THADA: variants seen among roughly 807,000 people sequenced by gnomAD.
THADA encodes the protein tRNA (32-2'-O)-methyltransferase regulator THADA.
A neutral mutation model predicts 219.8 loss-of-function variants in THADA; 213 were observed. That is an observed-to-expected ratio of 0.97 (90% CI 0.87 to 1.09). THADA has a LOEUF of 1.09. Among genes scored for constraint, THADA ranks in the 50% least tolerant of loss-of-function variants. The pLI is 0.00. For missense variants in THADA, 2,956 were observed against 2,311.3 expected (o/e 1.28, Z -5.72); for synonymous variants, 1,018 against 828.9 (o/e 1.23, Z -3.92).
At chr2:43,533,325 G>GT (rs1694135523) in intron 21 of THADA, among the ~76,000 whole-genome samples, 1 of 152,242 alleles carries the variant, frequency 6.6e-6, no homozygotes, top group African/African-American at 2.4e-5. Context: ...GTGGAAGACA[G>GT]TGTGGCGATT....
At chr2:43,374,756 T>C (rs1671186788) in intron 29 of THADA, among the ~76,000 whole-genome samples, 1 of 152,100 alleles carries the variant, frequency 6.6e-6, no homozygotes, top group South Asian at 2.1e-4. Context: ...TTTAGTGTGA[T>C]CCTAATTTTA....
At chr2:43,258,352 G>C (rs985593097) in intron 36 of THADA, among the ~76,000 whole-genome samples, 3 of 151,838 alleles carry the variant, frequency 2.0e-5, no homozygotes, top group Admixed American at 6.6e-5. Flanking sequence ...GAGAAACCCT[G>C]TCTCTACTAA....
intron 8 of THADA, among the ~76,000 whole-genome samples, chr2:43,581,321 G>C (rs1700415575): frequency 6.6e-6 from 1 of 152,068 alleles, no homozygotes; most frequent in Admixed American, 6.5e-5. Flanking sequence ...CTTGAGGCCA[G>C]GAGTTCCAGA....
intron 29 of THADA, among the ~76,000 whole-genome samples, chr2:43,352,125 ATC>A (rs1668342760): frequency 3.3e-5 from 5 of 152,252 alleles, no homozygotes; most frequent in Admixed American, 3.3e-4. Flanking sequence ...TGTAAAATAA[ATC>A]TGTCTAAATT....
At chr2:43,328,391 C>T (rs1379593998) in intron 30 of THADA, among the ~76,000 whole-genome samples, 1 of 152,228 alleles carries the variant, frequency 6.6e-6, no homozygotes, top group Non-Finnish European at 1.5e-5. Context: ...TATGCCCCAA[C>T]ATCCATCCTG....
In THADA at chr2:43,428,101, T is replaced by A; in HGVS notation, c.4057A>T (p.Arg1353Trp). The change falls in exon 28 of 38, where the codon AGG becomes TGG. Residue 1353 changes from arginine to tryptophan, a missense_variant and splice_region_variant. By Grantham distance (101) the Arg-to-Trp change is moderately radical (BLOSUM62 -3). Coordinates refer to ENST00000405975, the MANE Select transcript of THADA (RefSeq NM_022065.5). ...AATTTCTACACAGCATGACACTACC[T>A]CATAATGAAGGGAACAAAAGGTCCC... ...SMGPFVPFIM[R>W]CGHSPVYHSR... The A allele has an allele frequency of 1.2e-6, 2 of 1,606,004 alleles. No individual in the cohort carries two copies. The highest frequency in any genetic ancestry group is 1.7e-6 in the Non-Finnish European group (2 of 1,175,288).
At chr2:43,460,620 G>A (rs1683526024) in intron 26 of THADA, among the ~76,000 whole-genome samples, 1 of 152,058 alleles carries the variant, frequency 6.6e-6, no homozygotes, top group South Asian at 2.1e-4. Context: ...GTGCTCTGGA[G>A]GACACTCGTA....
chr2:43,552,038 ATG>A, intron 18 of THADA, 113 bp from the exon 19 acceptor site: 12 of 1,544,576 alleles, frequency 7.8e-6, no homozygotes, highest in Non-Finnish European at 9.6e-6. Flanking sequence ...TACATAAAAC[ATG>A]TGAGACATAA....
chr2:43,490,867 T>G (rs1292005243), intron 25 of THADA, among the ~76,000 whole-genome samples: 7 of 152,154 alleles, frequency 4.6e-5, no homozygotes, highest in Admixed American at 4.6e-4. Context: ...TTGGAATGCA[T>G]CCTCCTCAAA....
chr2:43,384,208 A>G (rs1672368296), intron 29 of THADA, among the ~76,000 whole-genome samples: 1 of 152,224 alleles, frequency 6.6e-6, no homozygotes, highest in African/African-American at 2.4e-5. Context: ...GGAGAGTAAC[A>G]AAGTAAATCA....
At chr2:43,529,265 T>G (rs1693571782) in intron 21 of THADA, among the ~76,000 whole-genome samples, 1 of 152,022 alleles carries the variant, frequency 6.6e-6, no homozygotes, top group Non-Finnish European at 1.5e-5. Flanking sequence ...GAGTTTGAGG[T>G]TACAGTAATA....
intron 28 of THADA, among the ~76,000 whole-genome samples, chr2:43,427,824 C>T (rs762786514): frequency 1.5e-4 from 23 of 149,194 alleles, no homozygotes; most frequent in Non-Finnish European, 2.7e-4. Flanking sequence ...GGCGTGGTGG[C>T]GGGTGCCTGT....
intron 29 of THADA, among the ~76,000 whole-genome samples, chr2:43,377,214 T>G (rs939239359): frequency 6.6e-6 from 1 of 152,086 alleles, no homozygotes; most frequent in Admixed American, 6.6e-5. Context: ...TTGTTTAGAG[T>G]TTAGATAACG....
intron 29 of THADA, among the ~76,000 whole-genome samples, chr2:43,366,516 C>G (rs76796398): frequency 3.9e-5 from 6 of 151,980 alleles, no homozygotes; most frequent in Non-Finnish European, 8.8e-5. Context: ...TCAAAAGGAT[C>G]GAGATATGAA....
chr2:43,253,397 T>C (rs1275286989), intron 36 of THADA, among the ~76,000 whole-genome samples: 2 of 152,180 alleles, frequency 1.3e-5, no homozygotes, highest in African/African-American at 4.8e-5. Flanking sequence ...GCCTACCTCC[T>C]ACTTACTTCT....
chr2:43,445,097 C>A (rs1193704236), intron 26 of THADA, among the ~76,000 whole-genome samples: 1 of 152,114 alleles, frequency 6.6e-6, no homozygotes, highest in East Asian at 1.9e-4. Flanking sequence ...TATAAAACCA[C>A]CCCACAAGAG....
intron 22 of THADA, 103 bp downstream of exon 22, chr2:43,527,776 C>T (rs1693345860): frequency 1.3e-6 from 1 of 770,248 alleles, no homozygotes; most frequent in East Asian, 2.6e-5. Flanking sequence ...TCAACCAGGT[C>T]TTATTCTTTT....
intron 4 of THADA, among the ~76,000 whole-genome samples, chr2:43,588,204 T>C (rs145214734): frequency 6.6e-6 from 1 of 151,986 alleles, no homozygotes; most frequent in East Asian, 1.9e-4. Context: ...TTTGGGTAAG[T>C]GGTTCCCCAT....
At chr2:43,282,286 T>C (rs1457397033) in intron 35 of THADA, among the ~76,000 whole-genome samples, 1 of 152,128 alleles carries the variant, frequency 6.6e-6, no homozygotes, top group Non-Finnish European at 1.5e-5. Flanking sequence ...TCACAGAAGG[T>C]CCCTTCTCAA....
Sources: gnomAD v4.1 joint callset for allele counts (sites outside exome capture counted in the v4.1 genomes callset) on GRCh38, gnomAD v4.1.1 for gene constraint, MANE v1.5 for transcripts, NCBI Gene and HGNC (gene_info 2026-07-23, HGNC 2026-07-21) for gene names.